NXPE3: variants seen among roughly 807,000 people sequenced by gnomAD.
NXPE3 encodes the protein NXPE family member 3.
NXPE3 carries 26 observed loss-of-function variants against 46.1 expected under a neutral mutation model. The observed-to-expected ratio is 0.56, with a 90% CI of 0.41 to 0.78. The LOEUF is 0.78. NXPE3 is among the 30% of genes least tolerant of loss of function. The pLI, the probability that NXPE3 is intolerant of heterozygous loss-of-function variation, is 0.00. For synonymous variants in NXPE3, 272 were observed against 257.9 expected (o/e 1.05, Z -0.52); for missense variants, 620 against 686.0 (o/e 0.90, Z 1.07).
intron 4 of NXPE3, among the ~76,000 whole-genome samples, chr3:101,791,830 C>A (rs1190523128): frequency 6.6e-6 from 1 of 152,120 alleles, no homozygotes; most frequent in South Asian, 2.1e-4. Context: ...CTGGTGGAAT[C>A]GTAGTTCTGC....
At chr3:101,803,302 C>G (rs1229571436) in intron 5 of NXPE3, among the ~76,000 whole-genome samples, 4 of 152,084 alleles carry the variant, frequency 2.6e-5, no homozygotes, top group Non-Finnish European at 5.9e-5. Flanking sequence ...CTGAAGTCAG[C>G]TTTTGGTCAT....
chr3:101,784,029 A>C (rs1227978224), intron 3 of NXPE3, among the ~76,000 whole-genome samples: 3 of 152,214 alleles, frequency 2.0e-5, no homozygotes. Flanking sequence ...CATCTTGTCT[A>C]ATATGAGTGT....
intron 5 of NXPE3, among the ~76,000 whole-genome samples, chr3:101,804,956 A>T (rs558955789): frequency 7.4e-4 from 113 of 152,348 alleles, no homozygotes; most frequent in African/African-American, 2.5e-3. Flanking sequence ...GTGTTTAAAA[A>T]ATTGAATCTT....
At chr3:101,788,058 T>C (rs543718547) in intron 4 of NXPE3, among the ~76,000 whole-genome samples, 12 of 152,326 alleles carry the variant, frequency 7.9e-5, no homozygotes, top group African/African-American at 2.9e-4. Context: ...GCACTTGTCA[T>C]TTTGTTTTGT....
At chr3:101,793,826 T>C (rs1159728911) in intron 4 of NXPE3, among the ~76,000 whole-genome samples, 1 of 152,060 alleles carries the variant, frequency 6.6e-6, no homozygotes. Flanking sequence ...TGAGTGGGAC[T>C]GTCTGTAGAT....
Position 101,816,807 on chromosome 3 carries a change from T to C in NXPE3, c.935T>C (p.Leu312Pro). The part of the protein sequence containing the change: ...IPRRIKETNS[L>P]ELSQGSGTFP... ...TTTTTCTTTGCAGAAACTAACAGTC[T>C]AGAACTATCTCAAGGCTCAGGAACT... Residue 312 changes from leucine to proline, a missense_variant, in exon 7 of 8, where the codon CTA (leucine) becomes CCA (proline). This residue lies in a region of NXPE3 where 511 missense variants were observed against 528.6 expected (regional missense o/e 0.97). Transcript: ENST00000273347. 2 of 1,613,420 alleles carry C rather than the reference T, an allele frequency of 1.2e-6. No individual in the cohort carries two copies. Among genetic ancestry groups the C allele is most frequent in the Middle Eastern group, 1.7e-4 (1 of 6,056 alleles).
intron 4 of NXPE3, among the ~76,000 whole-genome samples, chr3:101,799,072 C>T (rs1940999164): frequency 1.3e-5 from 2 of 152,088 alleles, no homozygotes; most frequent in Middle Eastern, 3.4e-3. Context: ...GTAGCTAGGA[C>T]TACAGGCATA....
At position 101,822,155 on chromosome 3, in the gene NXPE3, TGAC is replaced by T; in HGVS notation, c.*202_*204del. ...CTACCTATAGGATTTTATCCAATGT[TGAC>T]TTAGCCATGGTAGAACTCTTAACTG... On this transcript the variant is annotated 3_prime_UTR_variant, in exon 8 of 8. Transcript: ENST00000273347. 4 of 565,570 alleles carry T rather than the reference TGAC, an allele frequency of 7.1e-6. No homozygotes were observed. Among genetic ancestry groups the T allele is most frequent in the African/African-American group, 3.7e-5 (2 of 53,660 alleles). The allele number at this position is 565,570 out of a possible 1,614,324, so 35.0% of individuals were successfully genotyped here.
At chr3:101,781,452 G>A (rs552701046) in intron 1 of NXPE3, among the ~76,000 whole-genome samples, 26 of 152,278 alleles carry the variant, frequency 1.7e-4, no homozygotes, top group African/African-American at 6.3e-4. Flanking sequence ...TGAGATGGGG[G>A]TAGGAACCCT....
chr3:101,791,057 A>G (rs1011983409), intron 4 of NXPE3, among the ~76,000 whole-genome samples: 3 of 152,154 alleles, frequency 2.0e-5, no homozygotes, highest in Non-Finnish European at 4.4e-5. Flanking sequence ...TCACCCAATT[A>G]TTAAGCCCAG....
intron 7 of NXPE3, 95 bp downstream of exon 7, chr3:101,817,096 G>C (rs1158221776): frequency 2.8e-6 from 3 of 1,067,198 alleles, no homozygotes; most frequent in Non-Finnish European, 4.3e-6. Flanking sequence ...TATCAGGTGA[G>C]GAAACATATA....
chr3:101,791,346 A>G (rs929544009), intron 4 of NXPE3, among the ~76,000 whole-genome samples: 7 of 151,984 alleles, frequency 4.6e-5, no homozygotes, highest in Admixed American at 2.6e-4. Flanking sequence ...ATTTTCTTAT[A>G]TTTTTTATGG....
In NXPE3 at chr3:101,821,824, G is replaced by C; in HGVS notation, c.1550G>C (p.Gly517Ala). Reference protein sequence around the residue: ...TILRRMFSGVGVYLVDAWEMT... With the variant: ...TILRRMFSGVAVYLVDAWEMT... ...CTTCGGAGGATGTTCTCAGGGGTTG[G>C]AGTATATCTCGTCGATGCCTGGGAG... The change falls in exon 8 of 8, where the codon GGA (glycine) becomes GCA (alanine). Residue 517 changes from glycine to alanine, a missense_variant. By Grantham distance (60) the Gly-to-Ala change is moderately conservative. Around this residue, in one of 3 missense-constraint regions of NXPE3, gnomAD observed 75 missense variants for 121.1 expected, o/e 0.62. Transcript: ENST00000273347. 2.5e-6 allele frequency: 4 copies of C among 1,614,188 alleles called. No individual in the cohort carries two copies. Among genetic ancestry groups the C allele is most frequent in the Non-Finnish European group, 3.4e-6 (4 of 1,180,036 alleles).
At chr3:101,797,913 GA>G (rs1940926896) in intron 4 of NXPE3, among the ~76,000 whole-genome samples, 1 of 75,430 alleles carries the variant, frequency 1.3e-5, no homozygotes, top group Non-Finnish European at 2.6e-5. Context: ...ATAGCAGCAT[GA>G]TTTATAGTCA....
chr3:101,791,542 C>T (rs779395879), intron 4 of NXPE3, among the ~76,000 whole-genome samples: 8 of 152,148 alleles, frequency 5.3e-5, no homozygotes, highest in Non-Finnish European at 1.0e-4. Context: ...TCCACCACCA[C>T]GTCTGGCTAA....
intron 1 of NXPE3, among the ~76,000 whole-genome samples, chr3:101,780,730 A>G (rs1485600136): frequency 1.3e-5 from 2 of 152,218 alleles, no homozygotes; most frequent in African/African-American, 2.4e-5. Flanking sequence ...AAAAAATAGC[A>G]CTTAGTACAG....
intron 5 of NXPE3, among the ~76,000 whole-genome samples, chr3:101,805,457 G>A (rs1941371708): frequency 6.7e-6 from 1 of 150,266 alleles, no homozygotes; most frequent in East Asian, 1.9e-4. Flanking sequence ...GAGATAGGGT[G>A]TCGCTTTGTC....
At position 101,801,737 on chromosome 3, in the gene NXPE3, G is replaced by A. The variant is rs143729248; in HGVS notation, c.596G>A (p.Arg199His). The change falls in exon 5 of 8, where the codon CGC becomes CAC. Residue 199 changes from arginine to histidine, a missense_variant. Physicochemically the swap from Arg to His is conservative, Grantham distance 29. Coordinates refer to ENST00000273347, the MANE Select transcript of NXPE3 (RefSeq NM_145037.4). ...HPSEGIRVLQ[R>H]LQEDKPDRVY... ...AGTGAAGGGATCAGAGTTCTTCAGC[G>A]CTTACAGGAAGATAAACCAGACAGG... 12 of 1,614,180 alleles carry A rather than the reference G, an allele frequency of 7.4e-6. No individual in the cohort carries two copies. Among genetic ancestry groups the A allele is most frequent in the African/African-American group, 1.3e-5 (1 of 75,036 alleles).
intron 4 of NXPE3, among the ~76,000 whole-genome samples, chr3:101,800,917 G>T (rs1941104305): frequency 6.6e-6 from 1 of 152,052 alleles, no homozygotes; most frequent in Non-Finnish European, 1.5e-5. Context: ...GCTCGAGTGG[G>T]CTGGAGTTGG....
Sources: allele counts gnomAD v4.1 joint callset (sites outside exome capture counted in the v4.1 genomes callset), GRCh38; gene constraint gnomAD v4.1.1; regional missense constraint gnomAD v4.1.1; transcripts MANE v1.5; gene names NCBI Gene and HGNC (gene_info 2026-07-23, HGNC 2026-07-21).